Variants in TGM5 observed in about 807,000 individuals in gnomAD.
TGM5 encodes protein-glutamine gamma-glutamyltransferase 5.
TGM5 carries 69 observed loss-of-function variants against 77.2 expected under a neutral mutation model. That is an observed-to-expected ratio of 0.89 (90% CI 0.74 to 1.09). The LOEUF (loss-of-function observed/expected upper bound fraction) is 1.09. Among genes scored for constraint, TGM5 ranks in the 50% least tolerant of loss-of-function variants. The pLI is 0.00. For synonymous variants in TGM5, 346 were observed against 351.8 expected (o/e 0.98, Z 0.18); for missense variants, 842 against 896.5 (o/e 0.94, Z 0.78).
intron 6 of TGM5, among the ~76,000 whole-genome samples, chr15:43,251,897 T>C (rs1227674134): frequency 6.6e-6 from 1 of 152,256 alleles, no homozygotes; most frequent in Non-Finnish European, 1.5e-5. Flanking sequence ...TCTGAAAAGC[T>C]GACCTCACAT....
At chr15:43,257,092 C>T (rs954069133) in intron 3 of TGM5, among the ~76,000 whole-genome samples, 2 of 152,190 alleles carry the variant, frequency 1.3e-5, no homozygotes, top group African/African-American at 4.8e-5. Context: ...AAAGAGCAAA[C>T]CAGACCTTAA....
At chr15:43,242,469 A>G (rs77084925) in intron 6 of TGM5, among the ~76,000 whole-genome samples, 7,148 of 152,274 alleles carry the variant, frequency 0.047, 565 homozygotes, top group African/African-American at 0.16. Flanking sequence ...CCCCTGGGAC[A>G]TATTCTAAGG....
Position 43,260,487 on chromosome 15 carries a change from G to A in TGM5, c.103C>T (p.Arg35Trp), listed in dbSNP as rs370983556. 1.9e-5 allele frequency: 30 copies of A among 1,614,056 alleles called. No homozygotes were observed. In the Admixed American group the frequency reaches 2.7e-4, roughly 14 times the overall value. ...EITVDHLLVR[R>W]GQAFNLTLYF... The stretch of plus-strand genomic sequence containing the variant: ...AGGGTGAGGTTGAAGGCCTGGCCCC[G>A]GCGAACAAGCAGGTGGTCCACAGTG... The change falls in exon 2 of 13, where the codon CGG becomes TGG. Residue 35 changes from arginine to tryptophan, a missense_variant. By Grantham distance (101) the Arg-to-Trp change is moderately radical (BLOSUM62 -3). Transcript: ENST00000220420.
chr15:43,245,974 C>T (rs976212172), intron 6 of TGM5, among the ~76,000 whole-genome samples: 13 of 151,966 alleles, frequency 8.6e-5, no homozygotes, highest in African/African-American at 3.1e-4. Flanking sequence ...CATCCTCACA[C>T]AAGTCAGTCT....
intron 1 of TGM5, among the ~76,000 whole-genome samples, chr15:43,263,004 T>C (rs1762894542): frequency 6.6e-6 from 1 of 152,144 alleles, no homozygotes; most frequent in African/African-American, 2.4e-5. Flanking sequence ...AAAAATATAA[T>C]TAATAAATGA....
At chr15:43,259,970 G>A in intron 3 of TGM5, 82 bp downstream of exon 3, 1 of 1,604,432 alleles carries the variant, frequency 6.2e-7, no homozygotes, top group East Asian at 2.2e-5. Context: ...CCCGGGAGCG[G>A]GGTCTAGAAA....
At chr15:43,254,250 C>T (rs978899035) in intron 4 of TGM5, among the ~76,000 whole-genome samples, 6 of 152,206 alleles carry the variant, frequency 3.9e-5, no homozygotes, top group African/African-American at 1.4e-4. Flanking sequence ...GGGTATGTGC[C>T]CTCTCCGCGT....
At chr15:43,257,133 T>C (rs780996365) in intron 3 of TGM5, among the ~76,000 whole-genome samples, 2 of 152,222 alleles carry the variant, frequency 1.3e-5, no homozygotes, top group Non-Finnish European at 2.9e-5. Context: ...ATTCCTTTTG[T>C]AGGCATTTAA....
At chr15:43,244,252 T>G (rs1339842495) in intron 6 of TGM5, among the ~76,000 whole-genome samples, 2 of 152,234 alleles carry the variant, frequency 1.3e-5, no homozygotes, top group Non-Finnish European at 2.9e-5. Flanking sequence ...CAAATCCCCC[T>G]AGAGTTGAGC....
intron 11 of TGM5, 22 bp downstream of exon 11, chr15:43,234,747 C>A (rs777865128): frequency 6.2e-6 from 10 of 1,614,016 alleles, no homozygotes; most frequent in East Asian, 2.2e-5. Flanking sequence ...CCCCACAAGC[C>A]ATTTGCAGGA....
rs2042774148 is a variant in TGM5 at position 43,260,171 on chromosome 15, G to A, written c.317C>T (p.Ala106Val). The change falls in exon 3 of 13, where the codon GCT becomes GTT. Residue 106 changes from alanine to valine, a missense_variant. Around this residue, in one of 2 missense-constraint regions of TGM5, gnomAD observed 815 missense variants for 844.6 expected, o/e 0.96. Transcript: ENST00000220420. ...CCGACCCACGGCCGCCGTGGGAGGAGCGCACAAGCTCACCTCTGTGGAGGT... is the reference window on the plus strand; with the variant it reads ...CCGACCCACGGCCGCCGTGGGAGGAACGCACAAGCTCACCTCTGTGGAGGT... Reference protein sequence around the residue: ...GATSTEVSLCAPPTAAVGRYL... With the variant: ...GATSTEVSLCVPPTAAVGRYL... 6.2e-7 allele frequency: 1 copy of A among 1,614,010 alleles called. No individual in the cohort carries two copies. Among genetic ancestry groups the A allele is most frequent in the South Asian group, 1.1e-5 (1 of 91,094 alleles).
At chr15:43,246,328 A>G (rs2042669952) in intron 6 of TGM5, among the ~76,000 whole-genome samples, 1 of 152,184 alleles carries the variant, frequency 6.6e-6, no homozygotes, top group Non-Finnish European at 1.5e-5. Context: ...AACTGACTGT[A>G]CAGACACAGC....
At chr15:43,235,978 A>G (rs961560309) in intron 9 of TGM5, 141 bp from the exon 10 acceptor site, 14 of 1,163,850 alleles carry the variant, frequency 1.2e-5, no homozygotes, top group Non-Finnish European at 1.7e-5. Flanking sequence ...TCCACTCCTC[A>G]TGTGCTTTCC....
chr15:43,234,753 C>T lies in TGM5; in HGVS notation c.1875+16G>A. 4 of 1,614,060 alleles carry T rather than the reference C, an allele frequency of 2.5e-6. No individual in the cohort carries two copies. The highest frequency in any genetic ancestry group is 3.4e-6 in the Non-Finnish European group (4 of 1,179,920). On this transcript the variant is annotated intron_variant, in intron 11 of 12. Transcript: ENST00000220420. ...TCCAAGGAGCCCCACAAGCCATTTG[C>T]AGGACTCCTGCCTACATTAATCGTG... is the stretch of plus-strand genomic sequence containing the variant.
chr15:43,261,111 A>C (rs1264524819), intron 1 of TGM5, among the ~76,000 whole-genome samples: 3 of 45,386 alleles, frequency 6.6e-5, no homozygotes, highest in Non-Finnish European at 1.0e-4. Flanking sequence ...TTTTTTTGAG[A>C]CAGAGTCTCA....
chr15:43,243,743 A>G (rs985442388), intron 6 of TGM5, among the ~76,000 whole-genome samples: 1 of 152,140 alleles, frequency 6.6e-6, no homozygotes, highest in Non-Finnish European at 1.5e-5. Context: ...GCCTGTCTAG[A>G]GACCTTGCTG....
At chr15:43,238,766 G>A (rs1425369719) in intron 9 of TGM5, 51 bp downstream of exon 9, 45 of 1,606,208 alleles carry the variant, frequency 2.8e-5, no homozygotes, top group Non-Finnish European at 3.4e-5. Context: ...TGGGGTAGGG[G>A]AAGGTTCCTG....
At chr15:43,249,140 C>A (rs1196211213) in intron 6 of TGM5, among the ~76,000 whole-genome samples, 1 of 152,154 alleles carries the variant, frequency 6.6e-6, no homozygotes, top group Non-Finnish European at 1.5e-5. Flanking sequence ...TACGGTCACA[C>A]ATTAGTACCT....
chr15:43,258,826 G>A (rs2042762777), intron 3 of TGM5, among the ~76,000 whole-genome samples: 1 of 152,140 alleles, frequency 6.6e-6, no homozygotes, highest in Non-Finnish European at 1.5e-5. Flanking sequence ...CATCATTAAC[G>A]CTTTTCTCCC....
Sources: gnomAD v4.1 joint callset for allele counts (sites outside exome capture counted in the v4.1 genomes callset) on GRCh38, gnomAD v4.1.1 for gene constraint, gnomAD v4.1.1 regional missense constraint, MANE v1.5 for transcripts, NCBI Gene and HGNC (gene_info 2026-07-23, HGNC 2026-07-21) for gene names.